The following FOXO3B variants were observed in gnomAD, a reference collection of about 807,000 sequenced individuals.
FOXO3B encodes forkhead box protein O3B.
FOXO3B carries 15 observed loss-of-function variants against 21.9 expected under a neutral mutation model. The ratio of observed to expected loss-of-function variants is 0.68; its 90% CI spans 0.46 to 1.05. The LOEUF (loss-of-function observed/expected upper bound fraction) is 1.05. Among genes scored for constraint, FOXO3B ranks in the 50% least tolerant of loss-of-function variants. The pLI, the probability that FOXO3B is intolerant of heterozygous loss-of-function variation, is 0.00. For missense variants in FOXO3B, 293 were observed against 435.5 expected, an observed-to-expected ratio of 0.67 and a Z score of 2.91; for synonymous variants, 135 against 213.6, an observed-to-expected ratio of 0.63 and a Z score of 3.21.
At chr17:18,680,608 T>TC (rs113791667) in intron 3 of FOXO3B, 133 bp downstream of exon 3, 63,455 of 662,384 alleles carry the variant, frequency 0.096, 2,627 homozygotes, top group African/African-American at 0.24. Context: ...GTCTCCTGAC[T>TC]AGTCTCTTAG....
chr17:18,672,327 G>C lies in FOXO3B; in HGVS notation c.855C>G (p.Ser285Arg). The C allele has an allele frequency of 1.2e-6, 2 of 1,611,976 alleles. No individual in the cohort carries two copies. Among genetic ancestry groups the C allele is most frequent in the Non-Finnish European group, 1.7e-6 (2 of 1,178,514 alleles). Residue 285 changes from serine (S) to arginine (R), a missense_variant, in exon 4 of 4, where the codon AGC becomes AGG. Around this residue, in one of 2 missense-constraint regions of FOXO3B, gnomAD observed 42 missense variants for 31.5 expected, o/e 1.33. Coordinates refer to ENST00000395675, the MANE Select transcript of FOXO3B (RefSeq NM_001368135.1). The surrounding 1 kb of genome is among the most constrained non-coding windows in gnomAD (Gnocchi z 4.2). Reference sequence around the variant, plus strand: ...AGTTCTTCTAGCCGGCAGAGCTGTTGCTGTTGCCCTTATCCTTGAAGTAGG... The same window carrying C: ...AGTTCTTCTAGCCGGCAGAGCTGTTCCTGTTGCCCTTATCCTTGAAGTAGG... ...CVPYFKDKGN[S>R]NSSAG
Position 18,671,392 on chromosome 17 carries a change from G to A in FOXO3B, c.*917C>T, listed in dbSNP as rs2032360426. On this transcript the variant is annotated 3_prime_UTR_variant, in exon 4 of 4. Coordinates refer to ENST00000395675, the MANE Select transcript of FOXO3B (RefSeq NM_001368135.1). ...GCAAAGGACATCATCGGATCATTGC[G>A]AAGCATCACGTTCCGGCGGGAATTC... 5 of 1,613,268 alleles carry A rather than the reference G, an allele frequency of 3.1e-6. No individual in the cohort carries two copies. Among genetic ancestry groups the A allele is most frequent in the South Asian group, 1.1e-5 (1 of 91,024 alleles).
intron 3 of FOXO3B, among the ~76,000 whole-genome samples, chr17:18,674,362 A>C (rs990890029): frequency 2.0e-5 from 3 of 151,308 alleles, no homozygotes; most frequent in Non-Finnish European, 2.9e-5. Context: ...GCAGTGGCTC[A>C]CGCCTGTAAT....
intron 3 of FOXO3B, among the ~76,000 whole-genome samples, chr17:18,680,140 A>G (rs543057127): frequency 2.4e-4 from 36 of 152,336 alleles, no homozygotes; most frequent in African/African-American, 8.2e-4. Context: ...CGCCCAGCCA[A>G]ACATTCGTAA....
intron 2 of FOXO3B, among the ~76,000 whole-genome samples, chr17:18,681,114 C>T (rs1489507785): frequency 2.0e-5 from 3 of 151,862 alleles, no homozygotes; most frequent in African/African-American, 7.3e-5. Flanking sequence ...TTAATCTATA[C>T]TCGTTGGTTC....
chr17:18,671,986 T>C lies in FOXO3B; in HGVS notation c.*323A>G, dbSNP rs1381717871. ...GCCACTGACTGTGCTGGCGTTAGAA[T>C]TGGTGCGTGAACGGAAGTCCGTCCA... On this transcript the variant is annotated 3_prime_UTR_variant, in exon 4 of 4. Transcript: ENST00000395675. The C allele has an allele frequency of 6.2e-7, 1 of 1,612,684 alleles. No homozygotes were observed. The highest frequency in any genetic ancestry group is 1.7e-5 in the Admixed American group (1 of 59,862).
chr17:18,675,479 A>T (rs1173787540), intron 3 of FOXO3B, among the ~76,000 whole-genome samples: 1 of 152,206 alleles, frequency 6.6e-6, no homozygotes, highest in Non-Finnish European at 1.5e-5. Context: ...TCTGAGGTGA[A>T]ACAGATATAT....
chr17:18,680,732 C>G lies in FOXO3B; in HGVS notation c.126+9G>C. On this transcript the variant is annotated intron_variant, in intron 3 of 3. Transcript: ENST00000395675. ...AGGTGTAATTCCAATAATCAGCAGA[C>G]TCACTCACCTGGGATCTGGCCGTGA... 6.2e-7 allele frequency: 1 copy of G among 1,613,910 alleles called. No homozygotes were observed. Among genetic ancestry groups the G allele is most frequent in the Middle Eastern group, 1.6e-4 (1 of 6,062 alleles).
chr17:18,670,936 G>A lies in FOXO3B; in HGVS notation c.*1373C>T. On this transcript the variant is annotated 3_prime_UTR_variant, in exon 4 of 4. Transcript: ENST00000395675. ...GGCACCCAGCTCTGAGATGAGGCCT[G>A]CTTAGCACCAGTGAAGTTCCCCACG... The A allele has an allele frequency of 6.8e-7, 1 of 1,474,944 alleles. No homozygotes were observed. The highest frequency in any genetic ancestry group is 1.3e-5 in the South Asian group (1 of 74,104). The allele number at this position is 1,474,944 out of a possible 1,614,324, so 91.4% of individuals were successfully genotyped here.
At position 18,672,161 on chromosome 17, in the gene FOXO3B, T is replaced by C. The variant is rs1458932856; in HGVS notation, c.*148A>G. 21 of 1,612,780 alleles carry C rather than the reference T, an allele frequency of 1.3e-5. No homozygotes were observed. In the East Asian group the frequency reaches 4.5e-4, roughly 34 times the overall value. On this transcript the variant is annotated 3_prime_UTR_variant, in exon 4 of 4. Transcript: ENST00000395675. The surrounding 1 kb of genome is among the most constrained non-coding windows in gnomAD (Gnocchi z 4.2). ...CGGCTCTTGGTATACTTGTTGCTAT[T>C]GTCCATGGAGACAGCCCGCCGCCGG...
At chr17:18,676,846 G>T (rs2032494215) in intron 3 of FOXO3B, among the ~76,000 whole-genome samples, 1 of 152,040 alleles carries the variant, frequency 6.6e-6, no homozygotes, top group Non-Finnish European at 1.5e-5. Flanking sequence ...GATTACAGGT[G>T]CCTGTCACCA....
intron 3 of FOXO3B, among the ~76,000 whole-genome samples, chr17:18,676,286 CAT>C (rs1313953639): frequency 8.5e-5 from 13 of 152,144 alleles, no homozygotes; most frequent in Non-Finnish European, 1.5e-4. Context: ...TAAAGCTAAA[CAT>C]GTGATGATTT....
In FOXO3B at chr17:18,670,814, C is replaced by T; in HGVS notation, c.*1495G>A. 7.4e-7 allele frequency: 1 copy of T among 1,351,842 alleles called. No homozygotes were observed. 83.7% of individuals were successfully genotyped at this position (1,351,842 alleles called of 1,614,324 possible). On this transcript the variant is annotated 3_prime_UTR_variant, in exon 4 of 4. Transcript: ENST00000395675. The stretch of plus-strand genomic sequence containing the variant: ...TGTAAACGGTATCACTGTCCACTTG[C>T]TGAGAGCAGATTTGGCAAAGGGTTT...
chr17:18,674,842 G>C (rs2032454197), intron 3 of FOXO3B, among the ~76,000 whole-genome samples: 1 of 152,180 alleles, frequency 6.6e-6, no homozygotes, highest in South Asian at 2.1e-4. Context: ...GTGGAAGATC[G>C]AATGGCTGCA....
chr17:18,670,026 T>A lies in FOXO3B; in HGVS notation c.*2283A>T, dbSNP rs1421598870. On this transcript the variant is annotated 3_prime_UTR_variant, in exon 4 of 4. Transcript: ENST00000395675. ...GCTGAGCTGATTTCTTTCCTGAAAA[T>A]ATCATTATTCTAGTTTCTAACCAGC... is the stretch of plus-strand genomic sequence containing the variant. 6.6e-6 allele frequency among the ~76,000 whole-genome samples: 1 copy of A among 150,470 alleles called. No homozygotes were observed. Among genetic ancestry groups the A allele is most frequent in the Non-Finnish European group, 1.5e-5 (1 of 67,916 alleles).
At chr17:18,679,033 T>G (rs551365991) in intron 3 of FOXO3B, among the ~76,000 whole-genome samples, 9 of 151,528 alleles carry the variant, frequency 5.9e-5, no homozygotes, top group Middle Eastern at 3.4e-3. Context: ...CTAAACTCGT[T>G]AGAGGCCAAC....
At chr17:18,674,228 G>A (rs2032433434) in intron 3 of FOXO3B, among the ~76,000 whole-genome samples, 1 of 151,884 alleles carries the variant, frequency 6.6e-6, no homozygotes, top group East Asian at 1.9e-4. Context: ...AGTAAGTAGA[G>A]GCTGCAAACA....
rs3813032 is a variant in FOXO3B, at chr17:18,670,696, A to G, written c.*1613T>C. On this transcript the variant is annotated 3_prime_UTR_variant, in exon 4 of 4. Transcript: ENST00000395675. ...GATTTTGCATACTTTTTAGAGTTCT[A>G]TTCCAAGGGTAAGTGCTTCACCCAG... Among the ~76,000 whole-genome samples, 66,359 of 151,982 alleles carry G rather than the reference A, an allele frequency of 0.44. 14,888 individuals carry two copies. Among genetic ancestry groups the G allele is most frequent in the African/African-American group, 0.54 (22,459 of 41,418 alleles).
Position 18,670,832 on chromosome 17 carries a change from A to G in FOXO3B, c.*1477T>C. 6.7e-7 allele frequency: 1 copy of G among 1,502,866 alleles called. No individual in the cohort carries two copies. Among genetic ancestry groups the G allele is most frequent in the Non-Finnish European group, 9.1e-7 (1 of 1,104,162 alleles). 93.1% of individuals were successfully genotyped at this position (1,502,866 alleles called of 1,614,324 possible). A position where few individuals can be genotyped will look rare whatever the true frequency, so the allele number is the denominator to read the frequency against. ...CCACTTGCTGAGAGCAGATTTGGCAAAGGGTTTTCTCTGTAGGTCTTGTGT... is the reference window on the plus strand; with the variant it reads ...CCACTTGCTGAGAGCAGATTTGGCAGAGGGTTTTCTCTGTAGGTCTTGTGT... On this transcript the variant is annotated 3_prime_UTR_variant, in exon 4 of 4. Coordinates refer to ENST00000395675, the MANE Select transcript of FOXO3B (RefSeq NM_001368135.1).
Sources: gnomAD v4.1 joint callset for allele counts (sites outside exome capture counted in the v4.1 genomes callset) on GRCh38, gnomAD v4.1.1 for gene constraint, gnomAD v4.1.1 regional missense constraint, Gnocchi (gnomAD v3.1) non-coding constraint, MANE v1.5 for transcripts, NCBI Gene and HGNC (gene_info 2026-07-23, HGNC 2026-07-21) for gene names.